The following CSMD3 variants were observed in gnomAD, a reference collection of about 807,000 sequenced individuals.
CSMD3 encodes CUB and Sushi multiple domains 3.
In CSMD3, 177 loss-of-function variants were observed where a neutral mutation model predicts 435.2. The observed-to-expected ratio is 0.41, with a 90% CI of 0.36 to 0.46. The LOEUF (loss-of-function observed/expected upper bound fraction) is 0.46, where lower values mean the gene tolerates loss of function less well. CSMD3 is among the 20% of genes least tolerant of loss of function. The probability of loss-of-function intolerance (pLI) is 0.34; values close to 1 mark genes in which losing one functional copy is unlikely to be tolerated. For missense variants in CSMD3, 4,265 were observed against 4,504.6 expected (o/e 0.95, Z 1.52); for synonymous variants, 1,656 against 1,520.5 (o/e 1.09, Z -2.07).
intron 10 of CSMD3, among the ~76,000 whole-genome samples, chr8:112,911,329 T>C (rs2082405230): frequency 1.3e-5 from 2 of 151,932 alleles, no homozygotes; most frequent in African/African-American, 4.8e-5. Context: ...TTGATATTTG[T>C]CTACTTGTGA....
intron 5 of CSMD3, among the ~76,000 whole-genome samples, chr8:113,079,171 T>C (rs1199629160): frequency 1.3e-5 from 2 of 152,186 alleles, no homozygotes. Flanking sequence ...AATAAAATAG[T>C]AAAATCGAGC....
At chr8:112,589,459 G>T (rs1356615370) in intron 22 of CSMD3, among the ~76,000 whole-genome samples, 1 of 152,072 alleles carries the variant, frequency 6.6e-6, no homozygotes, top group Non-Finnish European at 1.5e-5. Context: ...CGGTGGCTGT[G>T]ATGGTATATT....
chr8:112,864,114 A>G (rs1332000706), intron 10 of CSMD3, among the ~76,000 whole-genome samples: 2 of 152,226 alleles, frequency 1.3e-5, no homozygotes, highest in East Asian at 3.8e-4. Context: ...TTTTTGTCTT[A>G]CATTCAAGAG....
At chr8:112,767,086 A>T (rs2132175346) in intron 13 of CSMD3, among the ~76,000 whole-genome samples, 1 of 151,972 alleles carries the variant, frequency 6.6e-6, no homozygotes, top group South Asian at 2.1e-4. Context: ...AAATTTTGGG[A>T]TTCCTGAAGT....
At chr8:113,210,406 A>G (rs1030344732) in intron 3 of CSMD3, among the ~76,000 whole-genome samples, 1 of 152,116 alleles carries the variant, frequency 6.6e-6, no homozygotes, top group African/African-American at 2.4e-5. Context: ...TAAATTTAGA[A>G]TACATATAGA....
chr8:112,556,778 G>A lies in CSMD3; in HGVS notation c.4219C>T (p.Leu1407=), dbSNP rs1329960979. The stretch of plus-strand genomic sequence containing the variant: ...AGTATCCTACCAATACAGGAAGGCA[G>A]AGGATAGTCCCATGCCCTTCTCTCC... ...TGERRAWDYP[L]PSCIAECGGR... The change falls in exon 25 of 71, where the codon CTG becomes TTG. Residue 1407 remains leucine (L), a synonymous_variant. Transcript: ENST00000297405. 3 of 1,609,048 alleles carry A rather than the reference G, an allele frequency of 1.9e-6. No individual in the cohort carries two copies. The highest frequency in any genetic ancestry group is 2.6e-6 in the Non-Finnish European group (3 of 1,175,882).
At position 113,212,560 on chromosome 8, in the gene CSMD3, A is replaced by T. The variant is rs1003242681; in HGVS notation, c.515-38644T>A. On this transcript the variant is annotated intron_variant, in intron 3 of 70. Coordinates refer to ENST00000297405, the MANE Select transcript of CSMD3 (RefSeq NM_198123.2). ...ACACCATAGAATACTATGCAATCAT[A>T]AAAAATGATGAATTCACGTCCTTTG... Among the ~76,000 whole-genome samples, 21 of 152,138 alleles carry T rather than the reference A, an allele frequency of 1.4e-4. 1 individual carries two copies. Among genetic ancestry groups the T allele is most frequent in the Admixed American group, 3.9e-4 (6 of 15,270 alleles).
intron 31 of CSMD3, among the ~76,000 whole-genome samples, chr8:112,478,437 G>A (rs550958087): frequency 1.3e-5 from 2 of 152,296 alleles, no homozygotes; most frequent in Non-Finnish European, 2.9e-5. Flanking sequence ...CAAGGTCTCC[G>A]ATGGAAATGA....
intron 1 of CSMD3, among the ~76,000 whole-genome samples, chr8:113,358,707 A>G (rs1413304845): frequency 6.6e-6 from 1 of 152,206 alleles, no homozygotes; most frequent in Admixed American, 6.5e-5. Flanking sequence ...ATGATTAATG[A>G]TGGCAATTTC....
At chr8:112,266,845 C>T (rs968731192) in intron 59 of CSMD3, among the ~76,000 whole-genome samples, 3 of 152,126 alleles carry the variant, frequency 2.0e-5, no homozygotes, top group Non-Finnish European at 2.9e-5. Flanking sequence ...AGCGAATTGG[C>T]TAAAAAACTT....
chr8:112,575,333 AGTTT>A (rs1474536383), intron 23 of CSMD3, among the ~76,000 whole-genome samples: 5 of 152,052 alleles, frequency 3.3e-5, no homozygotes, highest in African/African-American at 1.2e-4. Flanking sequence ...AGGCTTCTAC[AGTTT>A]GTTTACTTGT....
At chr8:113,171,006 GA>G (rs879836399) in intron 4 of CSMD3, among the ~76,000 whole-genome samples, 2,208 of 134,584 alleles carry the variant, frequency 0.016, 21 homozygotes, top group Non-Finnish European at 0.025. Flanking sequence ...AATGGCAATA[GA>G]AAAAAAAAAA....
At chr8:112,835,328 GC>G (rs2079991073) in intron 11 of CSMD3, among the ~76,000 whole-genome samples, 1 of 151,770 alleles carries the variant, frequency 6.6e-6, no homozygotes, top group Non-Finnish European at 1.5e-5. Flanking sequence ...ATTTTCTGAA[GC>G]CATGCGGAAT....
chr8:112,717,048 C>T (rs181871318), intron 13 of CSMD3, among the ~76,000 whole-genome samples: 5 of 152,196 alleles, frequency 3.3e-5, no homozygotes, highest in African/African-American at 1.2e-4. Context: ...GCAATTGCAA[C>T]AGAAGCTAAA....
chr8:112,875,495 T>C (rs1036963991), intron 10 of CSMD3, among the ~76,000 whole-genome samples: 2 of 152,174 alleles, frequency 1.3e-5, no homozygotes, highest in Non-Finnish European at 2.9e-5. Flanking sequence ...TCCTCCTGGA[T>C]AATACCCTGA....
intron 10 of CSMD3, among the ~76,000 whole-genome samples, chr8:112,884,655 C>A (rs1051602728): frequency 1.3e-5 from 2 of 151,620 alleles, no homozygotes; most frequent in African/African-American, 2.4e-5. Context: ...CCATTAAGAG[C>A]CACTAATTTA....
chr8:112,985,457 T>C (rs2085221487), intron 6 of CSMD3, among the ~76,000 whole-genome samples: 2 of 151,938 alleles, frequency 1.3e-5, no homozygotes, highest in African/African-American at 4.8e-5. Context: ...ATGAGACTGA[T>C]AACAAGATTG....
intron 38 of CSMD3, among the ~76,000 whole-genome samples, chr8:112,363,537 C>T (rs1563843639): frequency 6.6e-6 from 1 of 151,936 alleles, no homozygotes; most frequent in Non-Finnish European, 1.5e-5. Context: ...TTATTACCTT[C>T]ACTGCAAGAA....
At chr8:113,234,105 C>G (rs181273246) in intron 3 of CSMD3, among the ~76,000 whole-genome samples, 49 of 152,132 alleles carry the variant, frequency 3.2e-4, no homozygotes, top group Admixed American at 2.9e-3. Context: ...AAAGATAGTT[C>G]CGAATAAAGG....
Sources: allele counts gnomAD v4.1 joint callset (sites outside exome capture counted in the v4.1 genomes callset), GRCh38; gene constraint gnomAD v4.1.1; transcripts MANE v1.5; gene names NCBI Gene and HGNC (gene_info 2026-07-23, HGNC 2026-07-21).